METTL21A: variants seen among roughly 807,000 people sequenced by gnomAD.
METTL21A encodes the protein protein N-lysine methyltransferase METTL21A.
METTL21A carries 22 observed loss-of-function variants against 20.9 expected under a neutral mutation model. The ratio of observed to expected loss-of-function variants is 1.05; its 90% CI spans 0.75 to 1.50. The LOEUF is 1.50. METTL21A is among the 40% of genes most tolerant of loss of function. METTL21A has a pLI of 0.00. For missense variants in METTL21A, 271 were observed against 266.8 expected, an observed-to-expected ratio of 1.02 and a Z score of -0.11; for synonymous variants, 93 against 102.0, an observed-to-expected ratio of 0.91 and a Z score of 0.53.
At chr2:207,621,617 A>T (rs2090488424) in intron 3 of METTL21A, among the ~76,000 whole-genome samples, 189 bp downstream of exon 3, 1 of 152,178 alleles carries the variant, frequency 6.6e-6, no homozygotes, top group Non-Finnish European at 1.5e-5. Context: ...CAGAAATTAG[A>T]GAGAGAGAAA....
intron 3 of METTL21A, among the ~76,000 whole-genome samples, chr2:207,592,767 A>G (rs1202930353): frequency 6.6e-6 from 1 of 152,068 alleles, no homozygotes; most frequent in Non-Finnish European, 1.5e-5. Flanking sequence ...AAAATACAAA[A>G]AATTAGCTGG....
intron 3 of METTL21A, among the ~76,000 whole-genome samples, chr2:207,593,228 T>G (rs958849273): frequency 6.6e-6 from 1 of 152,166 alleles, no homozygotes; most frequent in Non-Finnish European, 1.5e-5. Flanking sequence ...TTAGTCATAC[T>G]TAAAATTTGT....
At chr2:207,608,235 G>A (rs1386281179), downstream of METTL21A, among the ~76,000 whole-genome samples, 1 of 152,012 alleles carries the variant, frequency 6.6e-6, no homozygotes, top group Non-Finnish European at 1.5e-5. Context: ...CTCTTTCCCA[G>A]TCTGTCTTCT....
chr2:207,616,132 G>C (rs931565603), intron 3 of METTL21A, among the ~76,000 whole-genome samples: 4 of 151,314 alleles, frequency 2.6e-5, no homozygotes, highest in Non-Finnish European at 5.9e-5. Context: ...ATGAGCCATG[G>C]TCATGCCACT....
chr2:207,581,780 G>GT (rs1372690134), exon 4 of METTL21A: 3 of 684,536 alleles, frequency 4.4e-6, no homozygotes, highest in African/African-American at 1.8e-5. Flanking sequence ...TATTTCCCCA[G>GT]TTTTTTTACT....
intron 3 of METTL21A, chr2:207,597,192 G>A: frequency 2.2e-6 from 2 of 924,536 alleles, no homozygotes; most frequent in Non-Finnish European, 3.1e-6. Flanking sequence ...AGCAACTACA[G>A]AATTTCATTC....
At chr2:207,606,620 T>C (rs555271486), downstream of METTL21A, among the ~76,000 whole-genome samples, 2 of 152,282 alleles carry the variant, frequency 1.3e-5, no homozygotes, top group South Asian at 2.1e-4. Context: ...TACCAATTCA[T>C]GTTAAAGACC....
chr2:207,581,364 T>TA (rs1362637492), downstream of METTL21A: 3 of 200,166 alleles, frequency 1.5e-5, no homozygotes, highest in Non-Finnish European at 3.1e-5. Context: ...TAAGAGTAAA[T>TA]AAAGGTGTAT....
chr2:207,624,640 C>G, intron 1 of METTL21A: 1 of 325,562 alleles, frequency 3.1e-6, no homozygotes, highest in South Asian at 4.2e-5. Context: ...CCAGAACATT[C>G]CAACTTCCGC....
At chr2:207,587,262 G>A (rs551527033) in intron 3 of METTL21A, among the ~76,000 whole-genome samples, 2 of 151,938 alleles carry the variant, frequency 1.3e-5, no homozygotes, top group East Asian at 1.9e-4. Flanking sequence ...GCATGGTGGC[G>A]GGTGCCTGTA....
intron 3 of METTL21A, among the ~76,000 whole-genome samples, chr2:207,593,113 A>G (rs13397461): frequency 0.017 from 2,526 of 152,272 alleles, 68 homozygotes; most frequent in African/African-American, 0.057. Flanking sequence ...CATATTCTTT[A>G]TCTCCATTTC....
rs888823733 is a variant in METTL21A, at chr2:207,597,309, C to T, written c.260-15149G>A. 3 of 390,554 alleles carry T rather than the reference C, an allele frequency of 7.7e-6. No individual in the cohort carries two copies. In the Admixed American group the frequency reaches 1.4e-4, roughly 18 times the overall value. The allele number at this position is 390,554 out of a possible 1,614,324, so 24.2% of individuals were successfully genotyped here. A position where few individuals can be genotyped will look rare whatever the true frequency, so the allele number is the denominator to read the frequency against. On this transcript the variant is annotated intron_variant, in intron 3 of 3. Coordinates refer to the METTL21A transcript ENST00000425132. ...CATGAAGAGACTTCTGCTTTTCAAC[C>T]CCCACCCTCCTCAAGAAGTAATAAT...
At chr2:207,587,308 G>C (rs1027924704) in intron 3 of METTL21A, among the ~76,000 whole-genome samples, 1 of 151,590 alleles carries the variant, frequency 6.6e-6, no homozygotes, top group African/African-American at 2.4e-5. Flanking sequence ...CAGGAGAATG[G>C]CGTGAACCCG....
chr2:207,613,494 T>C (rs753336186), intron 3 of METTL21A, 51 bp from the exon 4 acceptor site: 37 of 1,500,012 alleles, frequency 2.5e-5, no homozygotes, highest in Non-Finnish European at 3.2e-5. Flanking sequence ...ACAATTCTGT[T>C]AGGTAGAGAG....
At chr2:207,619,851 A>C (rs1040863450) in intron 3 of METTL21A, among the ~76,000 whole-genome samples, 3 of 152,322 alleles carry the variant, frequency 2.0e-5, no homozygotes, top group African/African-American at 7.2e-5. Context: ...GATGTTATAC[A>C]CGCAATCTCA....
intron 3 of METTL21A, chr2:207,596,871 G>A (rs375848753): frequency 6.3e-7 from 1 of 1,577,844 alleles, no homozygotes; most frequent in African/African-American, 1.4e-5. Flanking sequence ...ATAAATATGT[G>A]GAAATCATTT....
At chr2:207,605,901 T>A (rs777226825), downstream of METTL21A, among the ~76,000 whole-genome samples, 28 of 152,390 alleles carry the variant, frequency 1.8e-4, no homozygotes, top group Non-Finnish European at 8.8e-5. Context: ...CTAAGCAATT[T>A]TTATTAACTT....
chr2:207,621,580 A>AGTGT (rs556237624), intron 3 of METTL21A, among the ~76,000 whole-genome samples: 1 of 151,812 alleles, frequency 6.6e-6, no homozygotes, highest in African/African-American at 2.4e-5. Flanking sequence ...TAAATAACAG[A>AGTGT]GTGTGTGTGT....
intron 3 of METTL21A, among the ~76,000 whole-genome samples, chr2:207,594,595 C>T (rs1292268511): frequency 2.6e-5 from 4 of 152,074 alleles, no homozygotes; most frequent in Admixed American, 6.6e-5. Flanking sequence ...ATGTATATAC[C>T]ACATTTTGCT....
Sources: gnomAD v4.1 joint callset for allele counts (sites outside exome capture counted in the v4.1 genomes callset) on GRCh38, gnomAD v4.1.1 for gene constraint, MANE v1.5 for transcripts, NCBI Gene and HGNC (gene_info 2026-07-23, HGNC 2026-07-21) for gene names.